Variants in TENM3 observed in about 807,000 individuals in gnomAD.
TENM3 encodes the protein teneurin-3.
Under a neutral mutation model 255.1 loss-of-function variants are expected in TENM3, and 63 were observed. The observed-to-expected ratio is 0.25, with a 90% CI of 0.20 to 0.30. TENM3 has a LOEUF of 0.30. Ranked by LOEUF, TENM3 falls within the 10% of genes least tolerant of loss-of-function variation. TENM3 has a pLI of 1.00. For missense variants in TENM3, 2,929 were observed against 3,461.1 expected (o/e 0.85, Z 3.86); for synonymous variants, 1,306 against 1,322.3 (o/e 0.99, Z 0.27).
the TENM3 span, among the ~76,000 whole-genome samples, chr4:181,873,157 T>C: frequency 6.6e-6 from 1 of 152,032 alleles, no homozygotes; most frequent in Non-Finnish European, 1.5e-5. Flanking sequence ...AACCTCCAAC[T>C]CCCGGGTTCA....
rs1554032614 is a variant in TENM3, at chr4:182,763,701, C to CTT, written c.4892+8442_4892+8443insTT. On this transcript the variant is annotated intron_variant, in intron 22 of 27. Coordinates refer to ENST00000511685, the MANE Select transcript of TENM3 (RefSeq NM_001080477.4). ...AGTAATAAAAGAAAGGTTACAGGAA[C>CTT]CTTATATCTGGAGGAGCAGAATGTG... 4.9e-4 allele frequency among the ~76,000 whole-genome samples: 74 copies of CTT among 152,370 alleles called. 2 individuals are homozygous for CTT. The South Asian group carries it at 0.015, about 31-fold the overall frequency.
intron 3 of TENM3, among the ~76,000 whole-genome samples, chr4:182,354,590 C>T (rs1765400708): frequency 6.6e-6 from 1 of 151,918 alleles, no homozygotes; most frequent in Non-Finnish European, 1.5e-5. Context: ...TGTTTATTAA[C>T]ATTACATACA....
chr4:182,687,586 T>G (rs915485011), intron 11 of TENM3, among the ~76,000 whole-genome samples: 1 of 152,212 alleles, frequency 6.6e-6, no homozygotes, highest in African/African-American at 2.4e-5. Context: ...ATTTACTGAA[T>G]AGGAAAAACA....
intron 3 of TENM3, among the ~76,000 whole-genome samples, chr4:182,591,955 C>T (rs980232903): frequency 2.0e-5 from 3 of 152,036 alleles, no homozygotes; most frequent in African/African-American, 7.2e-5. Context: ...AAATTTTCTC[C>T]ATTTATAAGA....
chr4:181,482,494 G>A, the TENM3 span, among the ~76,000 whole-genome samples: 1 of 152,126 alleles, frequency 6.6e-6, no homozygotes, highest in Non-Finnish European at 1.5e-5. Context: ...ATGCATAGGT[G>A]TACAGTGTAG....
chr4:182,160,178 A>T (rs1225949232), intron 1 of TENM3, among the ~76,000 whole-genome samples: 1 of 150,160 alleles, frequency 6.7e-6, no homozygotes, highest in Non-Finnish European at 1.5e-5. Context: ...AATTTTATGT[A>T]TTTTTAGTAG....
intron 3 of TENM3, among the ~76,000 whole-genome samples, chr4:182,460,265 T>G (rs1015724631): frequency 6.6e-6 from 1 of 152,182 alleles, no homozygotes; most frequent in African/African-American, 2.4e-5. Flanking sequence ...ATCTATGTCT[T>G]AAGCTCACAT....
chr4:182,205,672 A>T (rs1754508637), intron 1 of TENM3, among the ~76,000 whole-genome samples: 1 of 152,262 alleles, frequency 6.6e-6, no homozygotes, highest in South Asian at 2.1e-4. Context: ...ATCGTTTTCC[A>T]GTAGACAACT....
At chr4:181,571,627 C>T in the TENM3 span, among the ~76,000 whole-genome samples, 1 of 152,140 alleles carries the variant, frequency 6.6e-6, no homozygotes, top group Non-Finnish European at 1.5e-5. Flanking sequence ...TGTGAGCCAC[C>T]GTGCCTGGCC....
chr4:182,644,355 C>A (rs927325829), intron 5 of TENM3, among the ~76,000 whole-genome samples: 2 of 152,172 alleles, frequency 1.3e-5, no homozygotes, highest in African/African-American at 4.8e-5. Context: ...CAACATGGAG[C>A]TAAAAATGGC....
intron 1 of TENM3, among the ~76,000 whole-genome samples, chr4:182,250,003 A>C (rs1305711206): frequency 6.6e-6 from 1 of 151,368 alleles, no homozygotes; most frequent in Non-Finnish European, 1.5e-5. Context: ...GATTGCAAAC[A>C]ACTATGTGGT....
At chr4:182,015,020 A>T in the TENM3 span, among the ~76,000 whole-genome samples, 3 of 152,242 alleles carry the variant, frequency 2.0e-5, no homozygotes, top group African/African-American at 7.2e-5. Context: ...TAAGGGACAC[A>T]AGGCCTCTAA....
chr4:182,331,796 G>A (rs1383541048), intron 2 of TENM3, among the ~76,000 whole-genome samples: 2 of 152,122 alleles, frequency 1.3e-5, no homozygotes, highest in African/African-American at 4.8e-5. Flanking sequence ...AAGGCATACT[G>A]TGCAGAAGAA....
chr4:181,955,455 T>C, the TENM3 span, among the ~76,000 whole-genome samples: 1 of 152,184 alleles, frequency 6.6e-6, no homozygotes, highest in African/African-American at 2.4e-5. Flanking sequence ...TGGAAGACTA[T>C]ACCAGGCAGA....
At chr4:182,060,671 A>G in the TENM3 span, among the ~76,000 whole-genome samples, 17 of 152,174 alleles carry the variant, frequency 1.1e-4, no homozygotes, top group African/African-American at 4.1e-4. Context: ...GCAAATACCA[A>G]TTTAAAAGTT....
chr4:182,188,747 G>T (rs1370774553), intron 1 of TENM3, among the ~76,000 whole-genome samples: 1 of 152,154 alleles, frequency 6.6e-6, no homozygotes, highest in Non-Finnish European at 1.5e-5. Context: ...TGCAATTTGA[G>T]TCCTCTACTC....
intron 1 of TENM3, among the ~76,000 whole-genome samples, chr4:182,228,006 A>G (rs1756290490): frequency 3.3e-5 from 5 of 152,156 alleles, no homozygotes; most frequent in Admixed American, 3.3e-4. Flanking sequence ...GACCTCCCTC[A>G]TATTTGGAGT....
chr4:182,370,120 T>G (rs1486692102), intron 3 of TENM3, among the ~76,000 whole-genome samples: 1 of 152,210 alleles, frequency 6.6e-6, no homozygotes, highest in African/African-American at 2.4e-5. Flanking sequence ...CAAAGTTTTT[T>G]CTTGAGGATT....
At chr4:182,557,850 C>G (rs891713867) in intron 3 of TENM3, among the ~76,000 whole-genome samples, 1 of 152,196 alleles carries the variant, frequency 6.6e-6, no homozygotes, top group African/African-American at 2.4e-5. Context: ...CTAGATGTCT[C>G]TCTACCATTC....
Sources: allele counts gnomAD v4.1 joint callset (sites outside exome capture counted in the v4.1 genomes callset), GRCh38; gene constraint gnomAD v4.1.1; transcripts MANE v1.5; gene names NCBI Gene and HGNC (gene_info 2026-07-23, HGNC 2026-07-21).